The following NSD1 variants were observed in gnomAD, a reference collection of about 807,000 sequenced individuals.
The protein encoded by NSD1 is histone-lysine N-methyltransferase, H3 lysine-36 specific.
A neutral mutation model predicts 242.7 loss-of-function variants in NSD1; 26 were observed. The ratio of observed to expected loss-of-function variants is 0.11; its 90% CI spans 0.08 to 0.15. The LOEUF (loss-of-function observed/expected upper bound fraction) is 0.15. Among genes scored for constraint, NSD1 ranks in the 10% least tolerant of loss-of-function variants. The probability of loss-of-function intolerance (pLI) is 1.00; values close to 1 mark genes in which losing one functional copy is unlikely to be tolerated. For synonymous variants in NSD1, 1,106 were observed against 1,178.1 expected, an observed-to-expected ratio of 0.94 and a Z score of 1.25; for missense variants, 2,495 against 3,272.8, an observed-to-expected ratio of 0.76 and a Z score of 5.80.
chr5:177,210,798 T>C lies in NSD1; in HGVS notation c.2399T>C (p.Met800Thr), dbSNP rs142023792. 84 of 1,614,054 alleles carry C rather than the reference T, an allele frequency of 5.2e-5. No individual in the cohort carries two copies. Among genetic ancestry groups the C allele is most frequent in the Non-Finnish European group, 6.2e-5 (73 of 1,180,040 alleles). Residue 800 changes from methionine (M) to threonine (T), a missense_variant, in exon 5 of 23, where the codon ATG becomes ACG. By Grantham distance (81) the Met-to-Thr change is moderately conservative (BLOSUM62 -1). Transcript: ENST00000439151. ...IKCKHKENPVMAEPPVINEEC... is the reference protein window; with the variant it reads ...IKCKHKENPVTAEPPVINEEC... The stretch of plus-strand genomic sequence containing the variant: ...TGCAAACACAAAGAAAATCCAGTTA[T>C]GGCAGAACCCCCAGTTATAAATGAG...
rs746955799 is a variant in NSD1, at chr5:177,239,768, G to A, written c.4205G>A (p.Ser1402Asn). Residue 1402 changes from serine to asparagine, a missense_variant, in exon 8 of 23, where the codon AGT becomes AAT. Coordinates refer to ENST00000439151, the MANE Select transcript of NSD1 (RefSeq NM_022455.5). ...ACATGCATTTCAGGAAATTATGAAAGTAAACGTCAAAGAAAACCAACTAAG... is the reference window on the plus strand; with the variant it reads ...ACATGCATTTCAGGAAATTATGAAAATAAACGTCAAAGAAAACCAACTAAG... Reference protein sequence around the residue: ...LLVKTPGNYESKRQRKPTKKL... With the variant: ...LLVKTPGNYENKRQRKPTKKL... 1.1e-5 allele frequency: 18 copies of A among 1,602,996 alleles called. No individual in the cohort carries two copies. In the South Asian group the frequency reaches 2.0e-4, roughly 18 times the overall value.
chr5:177,201,927 G>A (rs1762537532), intron 3 of NSD1, among the ~76,000 whole-genome samples: 1 of 151,826 alleles, frequency 6.6e-6, no homozygotes, highest in South Asian at 2.1e-4. Flanking sequence ...AGCACTTTGG[G>A]AGGCCGAGGC....
Position 177,135,685 on chromosome 5 carries a change from T to C in NSD1, c.582T>C (p.Asn194=). 1.2e-6 allele frequency: 2 copies of C among 1,614,176 alleles called. No homozygotes were observed. The highest frequency in any genetic ancestry group is 1.7e-6 in the Non-Finnish European group (2 of 1,180,036). ...FEETQTNATC[N]YETKSENGVK... ...AAACTCAGACCAATGCCACCTGCAA[T>C]TATGAGACTAAATCAGAGAATGGTG... Residue 194 remains asparagine (N), a synonymous_variant, in exon 2 of 23, where the codon AAT becomes AAC. Coordinates refer to ENST00000439151, the MANE Select transcript of NSD1 (RefSeq NM_022455.5).
chr5:177,268,005 C>T (rs937583475), intron 15 of NSD1, among the ~76,000 whole-genome samples: 6 of 147,634 alleles, frequency 4.1e-5, no homozygotes, highest in African/African-American at 7.5e-5. Context: ...ACAAGGCAGG[C>T]GCATTGTTAA....
At chr5:177,266,309 T>C (rs920255120) in intron 14 of NSD1, 5 of 728,520 alleles carry the variant, frequency 6.9e-6, no homozygotes, top group Non-Finnish European at 1.3e-5. Flanking sequence ...TTTGACAATC[T>C]TCACCGCATA....
chr5:177,204,401 T>G, intron 4 of NSD1, 109 bp downstream of exon 4: 1 of 988,764 alleles, frequency 1.0e-6, no homozygotes. Flanking sequence ...TTTCCCAGAT[T>G]GGAGTACAGT....
intron 2 of NSD1, among the ~76,000 whole-genome samples, chr5:177,185,935 A>AAT (rs1246002262): frequency 1.0e-3 from 94 of 90,548 alleles, no homozygotes; most frequent in African/African-American, 3.8e-3. Flanking sequence ...TATATAAATA[A>AAT]ATATATATAA....
At chr5:177,185,807 A>ATAT (rs1419305135) in intron 2 of NSD1, among the ~76,000 whole-genome samples, 95 of 86,498 alleles carry the variant, frequency 1.1e-3, no homozygotes, top group South Asian at 2.8e-3. Flanking sequence ...ATATATATAT[A>ATAT]AATTTATATA....
At position 177,218,871 on chromosome 5, in the gene NSD1, C is replaced by T. The variant is rs567314482; in HGVS notation, c.3796+6676C>T. ...TGCATGAGCCACCGCGCCCGGCCCC[C>T]CCTTTTTTTTTTCTCCAGCTGGCCC... is the stretch of plus-strand genomic sequence containing the variant. On this transcript the variant is annotated intron_variant, in intron 5 of 22. Coordinates refer to ENST00000439151, the MANE Select transcript of NSD1 (RefSeq NM_022455.5). 4.6e-5 allele frequency among the ~76,000 whole-genome samples: 7 copies of T among 151,102 alleles called. No homozygotes were observed. In the South Asian group the frequency reaches 8.4e-4, roughly 18 times the overall value.
chr5:177,133,591 G>T (rs1756015697), upstream of NSD1: 2 of 150,510 alleles, frequency 1.3e-5, no homozygotes, highest in South Asian at 2.1e-4. The surrounding 1 kb of genome is among the most constrained non-coding windows in gnomAD (Gnocchi z 6.2). Context: ...CTGATTGGGC[G>T]GCGCTCTCAC....
rs906316799 is a variant in NSD1, at chr5:177,134,089, C to T, written c.-18+137C>T. ...CCAGGCGCGATGCGGGGTTGGTGGC[C>T]GGCGGCGCTGCAGCCGCCGGCCTCC... On this transcript the variant is annotated intron_variant, in intron 1 of 22. Coordinates refer to ENST00000439151, the MANE Select transcript of NSD1 (RefSeq NM_022455.5). This position sits in a 1 kb window ranked among gnomAD's most constrained non-coding sequence, Gnocchi z 4.2. 1.4e-5 allele frequency: 2 copies of T among 147,826 alleles called. No homozygotes were observed. Among genetic ancestry groups the T allele is most frequent in the African/African-American group, 5.0e-5 (2 of 40,224 alleles). 9.2% of individuals were successfully genotyped at this position (147,826 alleles called of 1,614,324 possible).
In NSD1 at chr5:177,135,522, T is replaced by C; in HGVS notation, c.419T>C (p.Val140Ala). The change falls in exon 2 of 23, where the codon GTA (valine) becomes GCA (alanine). Residue 140 changes from valine to alanine, a missense_variant. Transcript: ENST00000439151. Reference sequence around the variant, plus strand: ...TGTAATAACTCCCCTGAACTCCAGGTAAAAGTAACAAAGACTATCAAGAAT... The same window carrying C: ...TGTAATAACTCCCCTGAACTCCAGGCAAAAGTAACAAAGACTATCAAGAAT... ...PSCNNSPELQ[V>A]KVTKTIKNGF... The C allele has an allele frequency of 6.2e-7, 1 of 1,614,152 alleles. No individual in the cohort carries two copies. Among genetic ancestry groups the C allele is most frequent in the Non-Finnish European group, 8.5e-7 (1 of 1,180,028 alleles).
chr5:177,151,463 C>T (rs1186516604), intron 2 of NSD1, among the ~76,000 whole-genome samples: 1 of 151,692 alleles, frequency 6.6e-6, no homozygotes, highest in Non-Finnish European at 1.5e-5. Context: ...GTCTCGGCTC[C>T]CTGCAACTTC....
intron 9 of NSD1, among the ~76,000 whole-genome samples, chr5:177,246,185 G>A (rs1766279219): frequency 6.6e-6 from 1 of 150,848 alleles, no homozygotes; most frequent in Non-Finnish European, 1.5e-5. Flanking sequence ...GGTCAGGCTG[G>A]TATCAAATTC....
intron 15 of NSD1, 65 bp downstream of exon 15, chr5:177,267,783 A>C (rs912460567): frequency 2.0e-6 from 3 of 1,466,260 alleles, no homozygotes; most frequent in African/African-American, 1.4e-5. Flanking sequence ...TCTCAGATAC[A>C]ATGCTTAACG....
At chr5:177,137,371 T>C (rs946061049) in intron 2 of NSD1, 2 of 153,256 alleles carry the variant, frequency 1.3e-5, no homozygotes, top group African/African-American at 4.8e-5. Flanking sequence ...GGTATGTTGT[T>C]ATTCTGAGTT....
Position 177,210,567 on chromosome 5 carries a change from C to G in NSD1, c.2168C>G (p.Thr723Ser). 6.2e-7 allele frequency: 1 copy of G among 1,614,108 alleles called. No homozygotes were observed. Among genetic ancestry groups the G allele is most frequent in the Non-Finnish European group, 8.5e-7 (1 of 1,180,026 alleles). The change falls in exon 5 of 23, where the codon ACC (threonine) becomes AGC (serine). Residue 723 changes from threonine to serine, a missense_variant. Transcript: ENST00000439151. Reference protein sequence around the residue: ...MGCTKSAEPGTETSQVNLSDL... With the variant: ...MGCTKSAEPGSETSQVNLSDL... ...TGTACTAAGAGTGCAGAGCCTGGAA[C>G]CGAGACGTCTCAGGTTAATCTCTCT... is the stretch of plus-strand genomic sequence containing the variant.
intron 20 of NSD1, among the ~76,000 whole-genome samples, chr5:177,287,409 G>C (rs1166715643): frequency 6.6e-6 from 1 of 152,356 alleles, no homozygotes; most frequent in Non-Finnish European, 1.5e-5. Flanking sequence ...GGGAGGCCAA[G>C]GTGGGAGGAT....
At chr5:177,231,443 A>G (rs999858366) in intron 5 of NSD1, among the ~76,000 whole-genome samples, 1 of 152,120 alleles carries the variant, frequency 6.6e-6, no homozygotes, top group Admixed American at 6.6e-5. Context: ...ATAAAACATG[A>G]CAAGGTTATT....
Sources: allele counts gnomAD v4.1 joint callset (sites outside exome capture counted in the v4.1 genomes callset), GRCh38; gene constraint gnomAD v4.1.1; non-coding constraint Gnocchi (gnomAD v3.1); transcripts MANE v1.5; gene names NCBI Gene and HGNC (gene_info 2026-07-23, HGNC 2026-07-21).